The following IL1RAPL1 variants were observed in gnomAD, a reference collection of about 807,000 sequenced individuals.
The protein encoded by IL1RAPL1 is interleukin-1 receptor accessory protein-like 1.
A neutral mutation model predicts 48.4 loss-of-function variants in IL1RAPL1; 3 were observed. The observed-to-expected ratio is 0.06, with a 90% CI of 0.03 to 0.16. IL1RAPL1 has a LOEUF of 0.16. Among genes scored for constraint, IL1RAPL1 ranks in the 10% least tolerant of loss-of-function variants. The pLI, the probability that IL1RAPL1 is intolerant of heterozygous loss-of-function variation, is 1.00. For missense variants in IL1RAPL1, 349 were observed against 530.6 expected, an observed-to-expected ratio of 0.66 and a Z score of 3.36; for synonymous variants, 185 against 187.7, an observed-to-expected ratio of 0.99 and a Z score of 0.12.
intron 6 of IL1RAPL1, among the ~76,000 whole-genome samples, chrX:29,780,065 C>T (rs142994842): frequency 0.02 from 2,206 of 109,594 alleles, 54 homozygotes; most frequent in African/African-American, 0.07. Flanking sequence ...TTTAGCTACA[C>T]TGATTTTTTA....
At chrX:28,827,352 C>G (rs998074833) in intron 2 of IL1RAPL1, among the ~76,000 whole-genome samples, 1 of 110,887 alleles carries the variant, frequency 9.0e-6, no homozygotes, top group Admixed American at 9.6e-5. Context: ...ACTCATTAGT[C>G]TAATCAAGAC....
intron 9 of IL1RAPL1, among the ~76,000 whole-genome samples, chrX:29,947,062 T>C (rs921911145): frequency 1.8e-5 from 2 of 111,876 alleles, no homozygotes; most frequent in African/African-American, 6.5e-5. Context: ...GTGCTTGTAG[T>C]GACCGCCTCT....
rs144802183 is a variant in IL1RAPL1, at chrX:28,666,357, A to T, written c.-25+78310A>T. Among the ~76,000 whole-genome samples, 749 of 111,836 alleles carry T rather than the reference A, an allele frequency of 6.7e-3. 5 individuals carry two copies. Among genetic ancestry groups the T allele is most frequent in the African/African-American group, 0.023 (707 of 30,779 alleles). ...ACAAACAATGTGATAAATATGATGG[A>T]TATGGGAAAGCTGATAGTGAAGATC... On this transcript the variant is annotated intron_variant, in intron 1 of 10. Coordinates refer to ENST00000378993, the MANE Select transcript of IL1RAPL1 (RefSeq NM_014271.4).
At chrX:29,491,755 G>C in intron 5 of IL1RAPL1, among the ~76,000 whole-genome samples, 1 of 110,964 alleles carries the variant, frequency 9.0e-6, no homozygotes, top group East Asian at 2.8e-4. Context: ...TCGCCCAGGC[G>C]TTTCAGTTGC....
rs143696153 is a variant in IL1RAPL1 at position 29,633,398 on chromosome X, G to A, written c.704-35032G>A. Among the ~76,000 whole-genome samples the A allele has an allele frequency of 2.3e-3, 256 of 109,173 alleles. 1 individual carries two copies. The highest frequency in any genetic ancestry group is 8.1e-3 in the African/African-American group (244 of 29,963). 94.8% of individuals were successfully genotyped at this position (109,173 alleles called of 115,157 possible). On this transcript the variant is annotated intron_variant, in intron 5 of 10. Transcript: ENST00000378993. ...AGAGCTTCTGGCATGTTGATCTAAT[G>A]TTCTATTTCTGAATCTGGTTGGTAG...
intron 2 of IL1RAPL1, among the ~76,000 whole-genome samples, chrX:29,161,338 G>T (rs1480624381): frequency 1.8e-5 from 2 of 111,674 alleles, no homozygotes; most frequent in Non-Finnish European, 3.8e-5. Flanking sequence ...CTGAAATAGT[G>T]TATTCAAAAT....
chrX:28,634,396 C>T (rs1415702473), intron 1 of IL1RAPL1, among the ~76,000 whole-genome samples: 2 of 107,338 alleles, frequency 1.9e-5, no homozygotes, highest in East Asian at 2.9e-4. Flanking sequence ...CACGTATATA[C>T]GTATACACGT....
At chrX:29,046,475 G>C (rs918970234) in intron 2 of IL1RAPL1, among the ~76,000 whole-genome samples, 4 of 111,814 alleles carry the variant, frequency 3.6e-5, no homozygotes, top group African/African-American at 1.3e-4. Context: ...CTTTGTCACA[G>C]AGAGCCTATT....
intron 2 of IL1RAPL1, among the ~76,000 whole-genome samples, chrX:28,995,260 A>G (rs1264037620): frequency 8.9e-6 from 1 of 111,952 alleles, no homozygotes; most frequent in East Asian, 2.8e-4. Flanking sequence ...TCAATAAAAT[A>G]TGTTTTAAAA....
intron 1 of IL1RAPL1, among the ~76,000 whole-genome samples, chrX:28,701,039 AATGTTTT>A (rs1387273284): frequency 9.0e-6 from 1 of 111,313 alleles, no homozygotes; most frequent in East Asian, 2.8e-4. Context: ...TTTATAGTAG[AATGTTTT>A]ATAATCCTTT....
intron 1 of IL1RAPL1, among the ~76,000 whole-genome samples, chrX:28,670,427 A>C (rs1601854002): frequency 8.9e-6 from 1 of 112,250 alleles, no homozygotes; most frequent in Middle Eastern, 4.6e-3. Flanking sequence ...AATATTGAAA[A>C]AAATATGTGT....
At chrX:29,205,148 C>T (rs1053550387) in intron 2 of IL1RAPL1, among the ~76,000 whole-genome samples, 2 of 111,310 alleles carry the variant, frequency 1.8e-5, no homozygotes, top group East Asian at 5.7e-4. Context: ...TTCCCATAGA[C>T]CAAGGTTGAG....
intron 1 of IL1RAPL1, among the ~76,000 whole-genome samples, chrX:28,711,765 A>ATATAATAAATGTATATAAAATAGAATTT (rs1329280712): frequency 7.4e-5 from 8 of 107,402 alleles, no homozygotes; most frequent in African/African-American, 2.3e-4. Context: ...TATATTATAT[A>ATATAATAAATGTATATAAAATAGAATTT]TATAATAAAT....
chrX:29,781,714 A>G (rs1008877744), intron 6 of IL1RAPL1, among the ~76,000 whole-genome samples: 3 of 111,848 alleles, frequency 2.7e-5, no homozygotes, highest in African/African-American at 9.7e-5. Context: ...ATGTGACTTG[A>G]AAATATATTT....
At chrX:29,416,465 G>A (rs930056072) in intron 5 of IL1RAPL1, among the ~76,000 whole-genome samples, 1 of 110,849 alleles carries the variant, frequency 9.0e-6, no homozygotes, top group African/African-American at 3.3e-5. Context: ...GAACTTGGGG[G>A]GGCAGAGGTT....
At chrX:29,171,480 A>C (rs1383978046) in intron 2 of IL1RAPL1, among the ~76,000 whole-genome samples, 1 of 111,655 alleles carries the variant, frequency 9.0e-6, no homozygotes, top group Non-Finnish European at 1.9e-5. Context: ...TTCAAACATG[A>C]GTCATGTACC....
intron 6 of IL1RAPL1, among the ~76,000 whole-genome samples, chrX:29,807,561 G>T (rs1261087782): frequency 1.1e-5 from 1 of 86,960 alleles, no homozygotes; most frequent in Non-Finnish European, 2.1e-5. Flanking sequence ...GTTGCAATGA[G>T]CCAAGATTGC....
At chrX:28,847,505 G>A (rs900132895) in intron 2 of IL1RAPL1, among the ~76,000 whole-genome samples, 2 of 111,271 alleles carry the variant, frequency 1.8e-5, no homozygotes. Flanking sequence ...CCCCACAGTT[G>A]CTCACAAGGT....
intron 2 of IL1RAPL1, among the ~76,000 whole-genome samples, chrX:29,138,442 A>G (rs1433491290): frequency 9.0e-6 from 1 of 111,337 alleles, no homozygotes; most frequent in Non-Finnish European, 1.9e-5. Flanking sequence ...TATATTTCAT[A>G]CAGTAACTCA....
Sources: gnomAD v4.1 joint callset for allele counts (sites outside exome capture counted in the v4.1 genomes callset) on GRCh38, gnomAD v4.1.1 for gene constraint, MANE v1.5 for transcripts, NCBI Gene and HGNC (gene_info 2026-07-23, HGNC 2026-07-21) for gene names.